The following ZNF326 variants were observed in gnomAD, a reference collection of about 807,000 sequenced individuals.
ZNF326 encodes zinc finger protein 326.
In ZNF326, 30 loss-of-function variants were observed where a neutral mutation model predicts 63.1. The observed-to-expected ratio is 0.48, with a 90% CI of 0.36 to 0.64. ZNF326 has a LOEUF of 0.64. Ranked by LOEUF, ZNF326 falls within the 30% of genes least tolerant of loss-of-function variation. The probability of loss-of-function intolerance (pLI) is 0.00; values close to 1 mark genes in which losing one functional copy is unlikely to be tolerated. For synonymous variants in ZNF326, 194 were observed against 228.2 expected (o/e 0.85, Z 1.35); for missense variants, 609 against 720.3 (o/e 0.85, Z 1.77).
intron 9 of ZNF326, among the ~76,000 whole-genome samples, chr1:90,019,673 G>A (rs1353312068): frequency 2.0e-5 from 3 of 151,994 alleles, no homozygotes; most frequent in African/African-American, 7.2e-5. Flanking sequence ...CACTTACAGA[G>A]CTTAAGTTAG....
intron 11 of ZNF326, 137 bp from the exon 12 acceptor site, chr1:90,027,217 A>T (rs748205623): frequency 3.8e-6 from 3 of 786,382 alleles, no homozygotes; most frequent in Non-Finnish European, 6.2e-6. Context: ...ACAAATACTT[A>T]ATGAATTTGT....
At chr1:89,995,423 G>C in intron 1 of ZNF326, 150 bp downstream of exon 1, 2 of 1,087,298 alleles carry the variant, frequency 1.8e-6, no homozygotes, top group Non-Finnish European at 2.5e-6. Context: ...GCCCGGAGTC[G>C]GCCTCTTTGG....
rs779342436 is a variant in ZNF326, at chr1:90,017,307, T to C, written c.927-10T>C. ...TAATATTTAAAGGAAAACTTTTTTT[T>C]CTCTTACAGAATGGCATTTACATGT... is the stretch of plus-strand genomic sequence containing the variant. On this transcript the variant is annotated splice_polypyrimidine_tract_variant and intron_variant, in intron 7 of 11. Transcript: ENST00000340281. The C allele has an allele frequency of 1.3e-6, 2 of 1,562,494 alleles. No individual in the cohort carries two copies. The highest frequency in any genetic ancestry group is 1.7e-4 in the Middle Eastern group (1 of 5,844).
chr1:89,995,194 G>A lies in ZNF326; in HGVS notation c.-64G>A, dbSNP rs1648279754. 11 of 1,519,238 alleles carry A rather than the reference G, an allele frequency of 7.2e-6. No individual in the cohort carries two copies. Among genetic ancestry groups the A allele is most frequent in the Non-Finnish European group, 9.7e-6 (11 of 1,136,226 alleles). The allele number at this position is 1,519,238 out of a possible 1,614,324, so 94.1% of individuals were successfully genotyped here. On this transcript the variant is annotated 5_prime_UTR_variant, in exon 1 of 12. Transcript: ENST00000340281. ...TGATCGTGTGGAATCGCGGGTCGCGGACGCTCGCCGCCGGCCATAGCTCAG... is the reference window on the plus strand; with the variant it reads ...TGATCGTGTGGAATCGCGGGTCGCGAACGCTCGCCGCCGGCCATAGCTCAG...
At chr1:90,015,190 A>G (rs1413600290) in intron 7 of ZNF326, among the ~76,000 whole-genome samples, 1 of 152,226 alleles carries the variant, frequency 6.6e-6, no homozygotes, top group Admixed American at 6.5e-5. Context: ...TGAGTAAATC[A>G]CTATTCTTGT....
chr1:89,999,197 T>C (rs1038182300), intron 2 of ZNF326, among the ~76,000 whole-genome samples: 30 of 152,078 alleles, frequency 2.0e-4, no homozygotes. Context: ...TGGGAGGTGA[T>C]AGTAGTAGTA....
chr1:89,995,389 C>A, intron 1 of ZNF326, 116 bp downstream of exon 1: 1 of 1,313,166 alleles, frequency 7.6e-7, no homozygotes, highest in Non-Finnish European at 1.0e-6. Context: ...GGCCCGGAGG[C>A]CGCCCGCCCG....
intron 10 of ZNF326, among the ~76,000 whole-genome samples, chr1:90,021,782 A>G (rs1294200249): frequency 1.3e-5 from 2 of 152,104 alleles, no homozygotes; most frequent in Admixed American, 6.6e-5. Flanking sequence ...TTCTTAATCT[A>G]TGTCTTTTTC....
chr1:89,995,325 T>C, intron 1 of ZNF326, 52 bp downstream of exon 1: 1 of 1,526,460 alleles, frequency 6.6e-7, no homozygotes, highest in African/African-American at 1.4e-5. Flanking sequence ...CGGGGTGGCC[T>C]ACGCAGGGGG....
At position 90,020,963 on chromosome 1, in the gene ZNF326, C is replaced by T. The variant is rs138593466; in HGVS notation, c.1305+41C>T. 1.7e-4 allele frequency: 279 copies of T among 1,598,616 alleles called. No homozygotes were observed. In the African/African-American group the frequency reaches 3.4e-3, roughly 20 times the overall value. ...GTCTTAATAAAGTTGCCAGATTATC[C>T]ATCAATCTTTTATTGTTCTTTGGCC... On this transcript the variant is annotated intron_variant, in intron 10 of 11. Transcript: ENST00000340281.
In ZNF326 at chr1:90,030,056, A is replaced by G. The variant is rs1650198983; in HGVS notation, c.*2355A>G. 1 of 152,220 alleles carries G rather than the reference A, an allele frequency of 6.6e-6. No homozygotes were observed. The highest frequency in any genetic ancestry group is 6.5e-5 in the Admixed American group (1 of 15,284). The allele number at this position is 152,220 out of a possible 1,614,324, so 9.4% of individuals were successfully genotyped here. On this transcript the variant is annotated 3_prime_UTR_variant, in exon 12 of 12. Transcript: ENST00000340281. ...TGAGATACATAGTTCTAAATAACCA[A>G]AGAAATTTATTTATAACCTACACAG...
intron 6 of ZNF326, among the ~76,000 whole-genome samples, chr1:90,012,190 G>A (rs1489102497): frequency 6.6e-6 from 1 of 152,088 alleles, no homozygotes; most frequent in African/African-American, 2.4e-5. Flanking sequence ...TTGCCAAAAG[G>A]TAGAAACAAT....
At position 90,035,485 on chromosome 1, in the gene ZNF326, G is replaced by A. The variant is rs558202316; in HGVS notation, c.*7784G>A. 2.0e-5 allele frequency: 3 copies of A among 152,268 alleles called. No individual in the cohort carries two copies. Among genetic ancestry groups the A allele is most frequent in the Non-Finnish European group, 1.5e-5 (1 of 68,022 alleles). The allele number at this position is 152,268 out of a possible 1,614,324, so 9.4% of individuals were successfully genotyped here. On this transcript the variant is annotated 3_prime_UTR_variant, in exon 12 of 12. Coordinates refer to ENST00000340281, the MANE Select transcript of ZNF326 (RefSeq NM_182976.4). ...AATGGGAAAAATGCAAAATCCTTAT[G>A]AGGAAAATGATACATTTTAATGGAG...
chr1:90,010,860 T>C (rs950144738), intron 6 of ZNF326, among the ~76,000 whole-genome samples: 10 of 152,176 alleles, frequency 6.6e-5, no homozygotes, highest in African/African-American at 2.4e-4. Context: ...TAAATTACTT[T>C]CTCATCAGGC....
intron 10 of ZNF326, 128 bp downstream of exon 10, chr1:90,021,050 G>A: frequency 7.9e-6 from 8 of 1,017,620 alleles, no homozygotes; most frequent in Middle Eastern, 6.5e-4. Context: ...ATAACTGTAA[G>A]TATACTCAGA....
At position 90,029,551 on chromosome 1, in the gene ZNF326, G is replaced by A. The variant is rs1224125865; in HGVS notation, c.*1850G>A. Reference sequence around the variant, plus strand: ...TAAAAATATTTGTGGAAGGGCTAAGGTAAAAGAATAATAAATTCCTCTAGG... The same window carrying A: ...TAAAAATATTTGTGGAAGGGCTAAGATAAAAGAATAATAAATTCCTCTAGG... On this transcript the variant is annotated 3_prime_UTR_variant, in exon 12 of 12. Coordinates refer to ENST00000340281, the MANE Select transcript of ZNF326 (RefSeq NM_182976.4). The A allele has an allele frequency of 6.6e-6, 1 of 152,034 alleles. No homozygotes were observed. The highest frequency in any genetic ancestry group is 2.4e-5 in the African/African-American group (1 of 41,404). 9.4% of individuals were successfully genotyped at this position (152,034 alleles called of 1,614,324 possible). A position where few individuals can be genotyped will look rare whatever the true frequency, so the allele number is the denominator to read the frequency against.
In ZNF326 at chr1:90,022,320, A is replaced by G; in HGVS notation, c.1376A>G (p.Lys459Arg). The G allele has an allele frequency of 1.2e-6, 2 of 1,613,006 alleles. No individual in the cohort carries two copies. Among genetic ancestry groups the G allele is most frequent in the Non-Finnish European group, 1.7e-6 (2 of 1,179,380 alleles). Residue 459 changes from lysine to arginine, a missense_variant, in exon 11 of 12, where the codon AAG (lysine) becomes AGG (arginine). This residue lies in a region of ZNF326 where 399 missense variants were observed against 444.3 expected (regional missense o/e 0.90). Transcript: ENST00000340281. The stretch of plus-strand genomic sequence containing the variant: ...AGCATTTTAAATAATCCAATAGTGA[A>G]GGCGCGATATGAACGTTTTGTTAAG... ...ATSILNNPIV[K>R]ARYERFVKGE...
At position 90,031,333 on chromosome 1, in the gene ZNF326, T is replaced by C. The variant is rs183394642; in HGVS notation, c.*3632T>C. On this transcript the variant is annotated 3_prime_UTR_variant, in exon 12 of 12. Transcript: ENST00000340281. Reference sequence around the variant, plus strand: ...TACAAAGGTAAATGTTAGTGCATGTTGAAATGTATTTAAGAACTCTGTTTT... The same window carrying C: ...TACAAAGGTAAATGTTAGTGCATGTCGAAATGTATTTAAGAACTCTGTTTT... 6.6e-6 allele frequency: 1 copy of C among 152,348 alleles called. No homozygotes were observed. Among genetic ancestry groups the C allele is most frequent in the East Asian group, 1.9e-4 (1 of 5,188 alleles). 9.4% of individuals were successfully genotyped at this position (152,348 alleles called of 1,614,324 possible).
chr1:90,012,424 A>G (rs1471633489), intron 6 of ZNF326, among the ~76,000 whole-genome samples: 1 of 152,208 alleles, frequency 6.6e-6, no homozygotes, highest in Non-Finnish European at 1.5e-5. Flanking sequence ...AAAGCAGATT[A>G]GTGGTTACCA....
Sources: allele counts gnomAD v4.1 joint callset (sites outside exome capture counted in the v4.1 genomes callset), GRCh38; gene constraint gnomAD v4.1.1; regional missense constraint gnomAD v4.1.1; transcripts MANE v1.5; gene names NCBI Gene and HGNC (gene_info 2026-07-23, HGNC 2026-07-21).